The following RPS6KC1 variants were observed in gnomAD, a reference collection of about 807,000 sequenced individuals.
RPS6KC1 encodes ribosomal protein S6 kinase C1.
A neutral mutation model predicts 103.8 loss-of-function variants in RPS6KC1; 54 were observed. The ratio of observed to expected loss-of-function variants is 0.52; its 90% CI spans 0.42 to 0.65. The LOEUF is 0.65. RPS6KC1 is among the 30% of genes least tolerant of loss of function. The pLI, the probability that RPS6KC1 is intolerant of heterozygous loss-of-function variation, is 0.00. For synonymous variants in RPS6KC1, 439 were observed against 438.7 expected, an observed-to-expected ratio of 1.00 and a Z score of -0.01; for missense variants, 1,151 against 1,253.8, an observed-to-expected ratio of 0.92 and a Z score of 1.24.
the RPS6KC1 span, among the ~76,000 whole-genome samples, chr1:213,388,158 G>C: frequency 4.6e-5 from 7 of 152,348 alleles, no homozygotes; most frequent in East Asian, 1.4e-3. Context: ...TGAATTCACT[G>C]ATCTCCAAGA....
chr1:213,260,922 C>T (rs2094777218), intron 12 of RPS6KC1, among the ~76,000 whole-genome samples: 1 of 152,102 alleles, frequency 6.6e-6, no homozygotes, highest in Non-Finnish European at 1.5e-5. Flanking sequence ...AATCCCTTAT[C>T]TTAGCCAATA....
At chr1:213,448,382 G>C in the RPS6KC1 span, among the ~76,000 whole-genome samples, 1 of 152,136 alleles carries the variant, frequency 6.6e-6, no homozygotes, top group Non-Finnish European at 1.5e-5. Flanking sequence ...TTGGGAATCT[G>C]TGTGTTTTTC....
At chr1:213,349,887 CAGAGAA>C in the RPS6KC1 span, among the ~76,000 whole-genome samples, 2 of 152,150 alleles carry the variant, frequency 1.3e-5, no homozygotes, top group African/African-American at 2.4e-5. Context: ...TTCCCAGAGA[CAGAGAA>C]AATTTCCTAT....
At chr1:213,512,779 A>G in the RPS6KC1 span, among the ~76,000 whole-genome samples, 60 of 152,314 alleles carry the variant, frequency 3.9e-4, no homozygotes, top group African/African-American at 1.4e-3. Flanking sequence ...CTCAACTGCC[A>G]AAGACCTGAC....
chr1:213,605,880 C>T, the RPS6KC1 span, among the ~76,000 whole-genome samples: 18 of 152,198 alleles, frequency 1.2e-4, no homozygotes, highest in African/African-American at 3.1e-4. Flanking sequence ...AGGGAGACAA[C>T]GCCAGGTGCT....
At chr1:213,464,735 G>A in the RPS6KC1 span, among the ~76,000 whole-genome samples, 4 of 150,794 alleles carry the variant, frequency 2.7e-5, no homozygotes, top group Non-Finnish European at 4.4e-5. Context: ...TCGGTATGTC[G>A]TATTCTGTTT....
chr1:213,141,983 CAG>C lies in RPS6KC1; in HGVS notation c.835+12095_835+12096del, dbSNP rs1261036226. 4.6e-5 allele frequency among the ~76,000 whole-genome samples: 7 copies of C among 152,102 alleles called. 1 individual carries two copies. The highest frequency in any genetic ancestry group is 1.7e-4 in the African/African-American group (7 of 41,524). On this transcript the variant is annotated intron_variant, in intron 6 of 14. Coordinates refer to ENST00000366960, the MANE Select transcript of RPS6KC1 (RefSeq NM_012424.6). ...CTGTCAGTGGAATGTTGAAGTGTCT[CAG>C]TATTACTGTGTGATTATCTAAGTCT...
chr1:213,749,510 C>T, the RPS6KC1 span, among the ~76,000 whole-genome samples: 8 of 152,208 alleles, frequency 5.3e-5, no homozygotes, highest in African/African-American at 1.9e-4. Flanking sequence ...AGTGGGTTAT[C>T]TGCTGGGTCT....
the RPS6KC1 span, among the ~76,000 whole-genome samples, chr1:213,734,819 C>T: frequency 1.3e-5 from 2 of 152,232 alleles, no homozygotes; most frequent in Admixed American, 6.5e-5. Flanking sequence ...TGGGCATTGG[C>T]GGCACAAGGT....
chr1:213,438,796 T>C, the RPS6KC1 span, among the ~76,000 whole-genome samples: 151 of 147,122 alleles, frequency 1.0e-3, no homozygotes, highest in African/African-American at 3.4e-3. Flanking sequence ...TGGTTTCTTT[T>C]TTTTTTTTTT....
At chr1:213,412,549 C>T in the RPS6KC1 span, among the ~76,000 whole-genome samples, 1 of 152,354 alleles carries the variant, frequency 6.6e-6, no homozygotes, top group East Asian at 1.9e-4. Flanking sequence ...GCTTTCCCTT[C>T]AGAAGCTGTA....
intron 8 of RPS6KC1, among the ~76,000 whole-genome samples, chr1:213,221,051 C>T (rs2093819289): frequency 6.6e-6 from 1 of 152,114 alleles, no homozygotes; most frequent in Non-Finnish European, 1.5e-5. Context: ...AAACAAAATA[C>T]TCTACTTTTA....
the RPS6KC1 span, among the ~76,000 whole-genome samples, chr1:213,422,590 A>C: frequency 2.5e-4 from 38 of 152,202 alleles, no homozygotes; most frequent in Non-Finnish European, 2.2e-4. Context: ...CTTATTACTT[A>C]TTAAGTGTTT....
chr1:213,847,614 C>T, the RPS6KC1 span, among the ~76,000 whole-genome samples: 1 of 152,272 alleles, frequency 6.6e-6, no homozygotes, highest in Admixed American at 6.5e-5. Context: ...GGCTGAAACC[C>T]ACTGAAAGTG....
chr1:213,728,935 G>GA, the RPS6KC1 span, among the ~76,000 whole-genome samples: 21 of 74,704 alleles, frequency 2.8e-4, no homozygotes, highest in South Asian at 8.5e-4. Flanking sequence ...CAGAACATGA[G>GA]GGTTTTTTTT....
the RPS6KC1 span, among the ~76,000 whole-genome samples, chr1:213,843,109 G>A: frequency 7.9e-5 from 12 of 152,308 alleles, no homozygotes; most frequent in South Asian, 2.1e-3. Context: ...CCATGTTGCA[G>A]TCTCTAGACA....
chr1:213,583,326 A>ACT, the RPS6KC1 span, among the ~76,000 whole-genome samples: 2 of 152,216 alleles, frequency 1.3e-5, no homozygotes, highest in African/African-American at 4.8e-5. Flanking sequence ...TTTTATAAGA[A>ACT]ACTGTCAAAC....
At chr1:213,385,446 C>T in the RPS6KC1 span, among the ~76,000 whole-genome samples, 1 of 152,194 alleles carries the variant, frequency 6.6e-6, no homozygotes, top group Non-Finnish European at 1.5e-5. Flanking sequence ...ACTCCATTCT[C>T]CTAGCCATCA....
chr1:213,675,821 G>A, the RPS6KC1 span, among the ~76,000 whole-genome samples: 1 of 152,212 alleles, frequency 6.6e-6, no homozygotes, highest in Non-Finnish European at 1.5e-5. Flanking sequence ...AGGTGGTAGT[G>A]AGCCAAGATG....
Sources: allele counts gnomAD v4.1 joint callset (sites outside exome capture counted in the v4.1 genomes callset), GRCh38; gene constraint gnomAD v4.1.1; transcripts MANE v1.5; gene names NCBI Gene and HGNC (gene_info 2026-07-23, HGNC 2026-07-21).